The following ZBTB7C variants were observed in gnomAD, a reference collection of about 807,000 sequenced individuals.
ZBTB7C encodes zinc finger and BTB domain containing 7C.
A neutral mutation model predicts 25.7 loss-of-function variants in ZBTB7C; 8 were observed. The ratio of observed to expected loss-of-function variants is 0.31; its 90% confidence interval spans 0.18 to 0.56. The LOEUF is 0.56. ZBTB7C is among the 20% of genes least tolerant of loss of function. The pLI is 0.91. For missense variants in ZBTB7C, 824 were observed against 855.2 expected (o/e 0.96, Z 0.46); for synonymous variants, 394 against 369.0 (o/e 1.07, Z -0.78).
At chr18:48,329,228 C>T (rs2046291398) in intron 2 of ZBTB7C, among the ~76,000 whole-genome samples, 1 of 152,250 alleles carries the variant, frequency 6.6e-6, no homozygotes, top group Non-Finnish European at 1.5e-5. Context: ...TCTTATTCCA[C>T]TGAGCTTGGA....
chr18:48,228,747 TCA>T lies in ZBTB7C; in HGVS notation c.-78-42754_-78-42753del, dbSNP rs55895960. Among the ~76,000 whole-genome samples the T allele has an allele frequency of 1.8e-3, 253 of 141,176 alleles. 3 individuals carry two copies. Among genetic ancestry groups the T allele is most frequent in the African/African-American group, 6.1e-3 (230 of 37,582 alleles). 92.6% of individuals were successfully genotyped at this position (141,176 alleles called of 152,430 possible). ...CTCTCTCTCTGTCTCTCTCTCTCTC[TCA>T]CACACACACACACACACACACACAC... On this transcript the variant is annotated intron_variant, in intron 2 of 4. Transcript: ENST00000590800.
At chr18:48,218,982 C>T (rs188439702) in intron 2 of ZBTB7C, among the ~76,000 whole-genome samples, 28 of 152,286 alleles carry the variant, frequency 1.8e-4, no homozygotes, top group Admixed American at 3.9e-4. Context: ...GGACCCTCAC[C>T]CCATTTGTAT....
intron 3 of ZBTB7C, chr18:48,162,222 CCTTCCCTGCAGCCTT>C: frequency 2.6e-6 from 1 of 383,360 alleles, no homozygotes; most frequent in Non-Finnish European, 5.4e-6. Context: ...GCCCCAGCCT[CCTTCCCTGCAGCCTT>C]CTACCTTCTA....
chr18:48,335,238 T>C (rs1263908649), intron 2 of ZBTB7C, among the ~76,000 whole-genome samples: 3 of 152,154 alleles, frequency 2.0e-5, no homozygotes, highest in African/African-American at 4.8e-5. Flanking sequence ...ACTTAGCCAA[T>C]AGGAAAACCC....
intron 4 of ZBTB7C, among the ~76,000 whole-genome samples, chr18:48,032,778 A>G (rs1159112529): frequency 6.6e-6 from 1 of 152,096 alleles, no homozygotes; most frequent in Non-Finnish European, 1.5e-5. Flanking sequence ...AATTAGTAGC[A>G]CTGACCCTTA....
Position 48,040,446 on chromosome 18 carries a change from AC to A in ZBTB7C, c.661del (p.Val221Ter). 1 of 1,606,884 alleles carries A rather than the reference AC, an allele frequency of 6.2e-7. No homozygotes were observed. Among genetic ancestry groups the A allele is most frequent in the Non-Finnish European group, 8.5e-7 (1 of 1,176,316 alleles). On this transcript the variant is annotated frameshift_variant, in exon 4 of 5. Transcript: ENST00000590800. LOFTEE classifies it high-confidence loss of function. ...FQAGSPGHLG[V>X]IRDFSIESLL... ...AGATTCGATGGAGAAGTCCCGGATC[AC>A]CCCCAGATGGCCAGGACTGCCAGCC...
At chr18:48,285,755 C>T (rs571832490) in intron 2 of ZBTB7C, among the ~76,000 whole-genome samples, 1 of 152,072 alleles carries the variant, frequency 6.6e-6, no homozygotes. Context: ...AAAGTTTCTG[C>T]CTTTAATGGA....
At chr18:48,243,264 C>T (rs1284362811) in intron 2 of ZBTB7C, among the ~76,000 whole-genome samples, 1 of 84,968 alleles carries the variant, frequency 1.2e-5, no homozygotes, top group Non-Finnish European at 2.3e-5. Context: ...ACTCTCTACC[C>T]CCCCACAAAA....
At chr18:48,155,040 C>T (rs2040794883) in intron 3 of ZBTB7C, among the ~76,000 whole-genome samples, 1 of 152,136 alleles carries the variant, frequency 6.6e-6, no homozygotes, top group Non-Finnish European at 1.5e-5. Flanking sequence ...ATTAGCAGTC[C>T]CTTACCCTAT....
At chr18:48,215,751 A>C (rs1314695339) in intron 2 of ZBTB7C, among the ~76,000 whole-genome samples, 2 of 152,222 alleles carry the variant, frequency 1.3e-5, no homozygotes, top group Non-Finnish European at 2.9e-5. Flanking sequence ...CAGGATCAGA[A>C]AAAGACCTGG....
chr18:48,277,406 T>A (rs1328842125), intron 2 of ZBTB7C, among the ~76,000 whole-genome samples: 1 of 151,960 alleles, frequency 6.6e-6, no homozygotes, highest in Non-Finnish European at 1.5e-5. Context: ...ATGCTCATCA[T>A]CACTGGCCAT....
chr18:48,367,202 T>TATATATATATATATACAC (rs1302394192), intron 1 of ZBTB7C, among the ~76,000 whole-genome samples: 25 of 63,368 alleles, frequency 3.9e-4, no homozygotes, highest in African/African-American at 1.0e-3. Context: ...TATATATATA[T>TATATATATATATATACAC]ACACACACAC....
intron 3 of ZBTB7C, among the ~76,000 whole-genome samples, chr18:48,138,135 C>T (rs1324906514): frequency 2.0e-5 from 3 of 152,236 alleles, no homozygotes; most frequent in East Asian, 3.9e-4. Context: ...AAGAGTCCAA[C>T]GAGGTGCTTG....
chr18:48,139,174 C>T (rs1431681185), intron 3 of ZBTB7C, among the ~76,000 whole-genome samples: 1 of 151,846 alleles, frequency 6.6e-6, no homozygotes, highest in Admixed American at 6.6e-5. Context: ...ATGTCAGGTG[C>T]GGGAGTGGAG....
chr18:48,278,443 CT>C lies in ZBTB7C; in HGVS notation c.-79+59730del, dbSNP rs538246350. ...GAATCCTCCCCAAATTCTTTTTTTTCTTTTTTTTTTTTGAGACAGTCTTGCC... is the reference window on the plus strand; with the variant it reads ...GAATCCTCCCCAAATTCTTTTTTTTCTTTTTTTTTTTGAGACAGTCTTGCC... On this transcript the variant is annotated intron_variant, in intron 2 of 4. Coordinates refer to ENST00000590800, the MANE Select transcript of ZBTB7C (RefSeq NM_001318841.2). Among the ~76,000 whole-genome samples, 1,217 of 145,700 alleles carry C rather than the reference CT, an allele frequency of 8.4e-3. 45 individuals are homozygous for C. Among genetic ancestry groups the C allele is most frequent in the Admixed American group, 0.064 (937 of 14,648 alleles).
At chr18:48,155,946 T>C (rs2040830726) in intron 3 of ZBTB7C, among the ~76,000 whole-genome samples, 1 of 152,182 alleles carries the variant, frequency 6.6e-6, no homozygotes, top group South Asian at 2.1e-4. Flanking sequence ...TCACAGACCC[T>C]ATAGACCCAT....
At chr18:48,162,678 C>A (rs1258817150) in intron 3 of ZBTB7C, among the ~76,000 whole-genome samples, 1 of 152,124 alleles carries the variant, frequency 6.6e-6, no homozygotes, top group Admixed American at 6.5e-5. Context: ...TTGTAAAATT[C>A]TGTCTCCTCT....
intron 1 of ZBTB7C, among the ~76,000 whole-genome samples, chr18:48,373,028 T>C (rs935493258): frequency 6.6e-6 from 1 of 152,188 alleles, no homozygotes; most frequent in Non-Finnish European, 1.5e-5. Context: ...TTGTTTTACT[T>C]TTCTGTGTTA....
chr18:48,200,271 C>T lies in ZBTB7C; in HGVS notation c.-78-14276G>A, dbSNP rs9947839. Among the ~76,000 whole-genome samples, 962 of 152,246 alleles carry T rather than the reference C, an allele frequency of 6.3e-3. 16 individuals are homozygous for T. The highest frequency in any genetic ancestry group is 0.022 in the African/African-American group (918 of 41,532). ...CCACATCTCCCACCTGGTCGTGCCC[C>T]TTTCAGGTTCATATGTCAGAAAACC... On this transcript the variant is annotated intron_variant, in intron 2 of 4. Coordinates refer to ENST00000590800, the MANE Select transcript of ZBTB7C (RefSeq NM_001318841.2).
Sources: allele counts gnomAD v4.1 joint callset (sites outside exome capture counted in the v4.1 genomes callset), GRCh38; gene constraint gnomAD v4.1.1; transcripts MANE v1.5; gene names NCBI Gene and HGNC (gene_info 2026-07-23, HGNC 2026-07-21).